Variants in CELF4 observed in about 807,000 individuals in gnomAD.
CELF4 encodes the protein CUGBP Elav-like family member 4, also known as CUG-BP- and ETR-3-like factor 4.
CELF4 carries 18 observed loss-of-function variants against 59.9 expected under a neutral mutation model. The observed-to-expected ratio is 0.30, with a 90% CI of 0.21 to 0.45. CELF4 has a LOEUF of 0.45. Ranked by LOEUF, CELF4 falls within the 20% of genes least tolerant of loss-of-function variation. The pLI is 1.00. For missense variants in CELF4, 456 were observed against 689.0 expected (o/e 0.66, Z 3.79); for synonymous variants, 261 against 267.1 (o/e 0.98, Z 0.22).
chr18:37,370,865 A>C (rs1468629651), intron 2 of CELF4, among the ~76,000 whole-genome samples: 1 of 152,124 alleles, frequency 6.6e-6, no homozygotes, highest in African/African-American at 2.4e-5. Context: ...CCAGTTCTTC[A>C]ATTATTCCCA....
chr18:37,364,576 G>A (rs1475877236), intron 2 of CELF4, among the ~76,000 whole-genome samples: 2 of 152,146 alleles, frequency 1.3e-5, no homozygotes, highest in African/African-American at 2.4e-5. Flanking sequence ...TTCTCTTGGG[G>A]CTCCATCTCC....
At chr18:37,420,724 A>G (rs2099572994) in intron 2 of CELF4, among the ~76,000 whole-genome samples, 1 of 152,198 alleles carries the variant, frequency 6.6e-6, no homozygotes, top group South Asian at 2.1e-4. Flanking sequence ...ACAAAGGTGG[A>G]GCCACAGGCT....
intron 2 of CELF4, among the ~76,000 whole-genome samples, chr18:37,394,914 C>A (rs954720600): frequency 2.6e-5 from 4 of 151,802 alleles, no homozygotes; most frequent in Admixed American, 1.3e-4. Flanking sequence ...GTGGCCATCA[C>A]TCCACAGCCT....
At chr18:37,484,718 A>G (rs560063073) in intron 2 of CELF4, among the ~76,000 whole-genome samples, 136 of 152,360 alleles carry the variant, frequency 8.9e-4, no homozygotes, top group African/African-American at 3.1e-3. Flanking sequence ...TTGGCTTGGT[A>G]AGAATGTAAA....
chr18:37,548,507 C>T (rs1203827069), intron 1 of CELF4, among the ~76,000 whole-genome samples: 1 of 152,142 alleles, frequency 6.6e-6, no homozygotes, highest in East Asian at 1.9e-4. Context: ...GGTGCATTGC[C>T]AATATCCCTT....
At chr18:37,373,253 A>G (rs1245228740) in intron 2 of CELF4, among the ~76,000 whole-genome samples, 1 of 152,330 alleles carries the variant, frequency 6.6e-6, no homozygotes, top group South Asian at 2.1e-4. Context: ...GTTCCCATCA[A>G]TCAGGGCATC....
At chr18:37,286,983 C>T (rs1369510680) in intron 3 of CELF4, among the ~76,000 whole-genome samples, 1 of 152,154 alleles carries the variant, frequency 6.6e-6, no homozygotes, top group African/African-American at 2.4e-5. Flanking sequence ...TGCCCTGTAG[C>T]ACCAGCGGCT....
chr18:37,349,312 G>A (rs1386230665), intron 2 of CELF4, among the ~76,000 whole-genome samples: 1 of 152,182 alleles, frequency 6.6e-6, no homozygotes, highest in Non-Finnish European at 1.5e-5. Context: ...CAAAGAAGAG[G>A]GACACGTTGG....
intron 3 of CELF4, among the ~76,000 whole-genome samples, chr18:37,297,316 G>C (rs1274006818): frequency 1.3e-5 from 2 of 152,196 alleles, no homozygotes; most frequent in African/African-American, 4.8e-5. Context: ...TCTCTTTGGG[G>C]TAAGCATTGC....
At chr18:37,313,076 C>A (rs1399287706) in intron 3 of CELF4, among the ~76,000 whole-genome samples, 1 of 152,148 alleles carries the variant, frequency 6.6e-6, no homozygotes. Flanking sequence ...GGGGCAGACT[C>A]CTTCTCCTTC....
chr18:37,349,602 C>G (rs929364658), intron 2 of CELF4, among the ~76,000 whole-genome samples: 2 of 152,166 alleles, frequency 1.3e-5, no homozygotes, highest in Non-Finnish European at 2.9e-5. Flanking sequence ...GCCCCTGTGC[C>G]AAGCGCTAGG....
intron 3 of CELF4, among the ~76,000 whole-genome samples, chr18:37,301,141 T>C (rs916761689): frequency 2.6e-5 from 4 of 152,024 alleles, no homozygotes; most frequent in Non-Finnish European, 5.9e-5. Flanking sequence ...TGGGCAGGGA[T>C]GGAGGAGAGT....
At chr18:37,527,683 C>T (rs1386473480) in intron 1 of CELF4, among the ~76,000 whole-genome samples, 1 of 152,150 alleles carries the variant, frequency 6.6e-6, no homozygotes, top group African/African-American at 2.4e-5. Flanking sequence ...GCTGGCTTTC[C>T]AGGCTCTGGC....
chr18:37,355,736 A>G (rs145359154), intron 2 of CELF4, among the ~76,000 whole-genome samples: 315 of 152,286 alleles, frequency 2.1e-3, no homozygotes, highest in African/African-American at 7.4e-3. Context: ...AGAGAGTGCC[A>G]TGATGAAGAG....
At chr18:37,553,773 C>G (rs2099983944) in intron 1 of CELF4, among the ~76,000 whole-genome samples, 2 of 152,144 alleles carry the variant, frequency 1.3e-5, no homozygotes. Flanking sequence ...GCAGCCAACA[C>G]TGGCCAGGGT....
chr18:37,359,935 C>T (rs984359224), intron 2 of CELF4, among the ~76,000 whole-genome samples: 4 of 151,728 alleles, frequency 2.6e-5, no homozygotes, highest in Non-Finnish European at 5.9e-5. Context: ...CTGCAACCTC[C>T]ACTTCCCCAG....
intron 2 of CELF4, among the ~76,000 whole-genome samples, chr18:37,398,167 G>A (rs888426776): frequency 4.6e-5 from 7 of 152,164 alleles, no homozygotes; most frequent in African/African-American, 1.7e-4. Context: ...AGGCAGAAGA[G>A]CTTTTATAGC....
At chr18:37,301,795 A>G (rs2096060425) in intron 3 of CELF4, among the ~76,000 whole-genome samples, 1 of 152,118 alleles carries the variant, frequency 6.6e-6, no homozygotes, top group Non-Finnish European at 1.5e-5. Flanking sequence ...TTGCTACCAT[A>G]AGTGATTTCA....
chr18:37,542,325 A>G (rs2099978392), intron 1 of CELF4, among the ~76,000 whole-genome samples: 1 of 152,258 alleles, frequency 6.6e-6, no homozygotes, highest in African/African-American at 2.4e-5. Context: ...CTCGTTATTG[A>G]GTGCTCGCTG....
Sources: gnomAD v4.1 joint callset for allele counts (sites outside exome capture counted in the v4.1 genomes callset) on GRCh38, gnomAD v4.1.1 for gene constraint, MANE v1.5 for transcripts, NCBI Gene and HGNC (gene_info 2026-07-23, HGNC 2026-07-21) for gene names.